The following CCDC61 variants were observed in gnomAD, a reference collection of about 807,000 sequenced individuals.
CCDC61 encodes coiled-coil domain containing 61.
In CCDC61, 55 loss-of-function variants were observed where a neutral mutation model predicts 63.0. The ratio of observed to expected loss-of-function variants is 0.87; its 90% CI spans 0.70 to 1.09. CCDC61 has a LOEUF of 1.09. CCDC61 is among the 50% of genes least tolerant of loss of function. The probability of loss-of-function intolerance (pLI) is 0.00; values close to 1 mark genes in which losing one functional copy is unlikely to be tolerated. For synonymous variants in CCDC61, 270 were observed against 317.0 expected (o/e 0.85, Z 1.58); for missense variants, 651 against 731.4 (o/e 0.89, Z 1.27).
Position 46,016,296 on chromosome 19 carries a change from C to G in CCDC61, c.1016-22C>G, listed in dbSNP as rs574291544. ...AAGGCCCGTCTCCGGACCTAGCCGC[C>G]TCCTCTCCCACGCCGTCCTAGGTGG... On this transcript the variant is annotated intron_variant, in intron 8 of 13. Transcript: ENST00000595358. The surrounding 1 kb of genome is among the most constrained non-coding windows in gnomAD (Gnocchi z 7.2). 2.5e-6 allele frequency: 4 copies of G among 1,612,916 alleles called. No homozygotes were observed. In the South Asian group the frequency reaches 3.3e-5, roughly 13 times the overall value.
intron 4 of CCDC61, among the ~76,000 whole-genome samples, chr19:46,007,844 A>G (rs1600646981): frequency 6.6e-6 from 1 of 152,196 alleles, no homozygotes; most frequent in South Asian, 2.1e-4. Context: ...TGCAAGTAAC[A>G]TGATACCAGC....
At chr19:46,014,448 A>G (rs1968885946) in intron 5 of CCDC61, among the ~76,000 whole-genome samples, 1 of 152,238 alleles carries the variant, frequency 6.6e-6, no homozygotes, top group South Asian at 2.1e-4. Flanking sequence ...GAGATACTCT[A>G]CTTTCCTCTT....
Position 46,016,150 on chromosome 19 carries a change from C to T in CCDC61, c.942C>T (p.Arg314=), listed in dbSNP as rs1968928460. Residue 314 remains arginine, a synonymous_variant, in exon 8 of 14, where the codon CGC becomes CGT. Coordinates refer to ENST00000595358, the MANE Select transcript of CCDC61 (RefSeq NM_001267723.2). The surrounding 1 kb of genome is among the most constrained non-coding windows in gnomAD (Gnocchi z 7.2). The part of the protein sequence containing the change: ...RSASRGRGAA[R]SSSRESGRGS... ...CGTCGCGAGGCCGCGGCGCCGCGCGCTCCTCATCCCGGGAGAGCGGCCGCG... is the reference window on the plus strand; with the variant it reads ...CGTCGCGAGGCCGCGGCGCCGCGCGTTCCTCATCCCGGGAGAGCGGCCGCG... 1.6e-6 allele frequency: 2 copies of T among 1,255,092 alleles called. No individual in the cohort carries two copies. The highest frequency in any genetic ancestry group is 1.6e-5 in the African/African-American group (1 of 64,160). The allele number at this position is 1,255,092 out of a possible 1,614,324, so 77.7% of individuals were successfully genotyped here.
At chr19:46,011,855 T>G (rs1968834613) in intron 5 of CCDC61, among the ~76,000 whole-genome samples, 1 of 152,130 alleles carries the variant, frequency 6.6e-6, no homozygotes, top group Non-Finnish European at 1.5e-5. Context: ...CAGGCTGGAG[T>G]GCAATGGCGT....
At chr19:45,997,661 G>A (rs1173574402) in intron 1 of CCDC61, among the ~76,000 whole-genome samples, 2 of 149,298 alleles carry the variant, frequency 1.3e-5, no homozygotes, top group Admixed American at 1.3e-4. Context: ...AAAGTGCTGA[G>A]ATTACAGGCG....
rs1237912284 is a variant in CCDC61, at chr19:46,015,294, G to A, written c.762+35G>A. 6.4e-7 allele frequency: 1 copy of A among 1,562,110 alleles called. No homozygotes were observed. The highest frequency in any genetic ancestry group is 8.6e-7 in the Non-Finnish European group (1 of 1,163,278). ...GGGGGCCCGGGGCGGCCAGCGAGGC[G>A]CGGACCTCGGCCTCAGCCTGGACCT... is the stretch of plus-strand genomic sequence containing the variant. On this transcript the variant is annotated intron_variant, in intron 6 of 13. Coordinates refer to ENST00000595358, the MANE Select transcript of CCDC61 (RefSeq NM_001267723.2). This position sits in a 1 kb window ranked among gnomAD's most constrained non-coding sequence, Gnocchi z 5.3.
intron 5 of CCDC61, among the ~76,000 whole-genome samples, chr19:46,011,740 T>C (rs563907560): frequency 1.3e-5 from 2 of 152,258 alleles, no homozygotes; most frequent in South Asian, 4.1e-4. Flanking sequence ...ACTCTGGATA[T>C]GCACTCAAAT....
chr19:46,016,332 C>T lies in CCDC61; in HGVS notation c.1030C>T (p.Arg344Cys), dbSNP rs746274173. 6.2e-7 allele frequency: 1 copy of T among 1,613,902 alleles called. No homozygotes were observed. The highest frequency in any genetic ancestry group is 1.3e-5 in the African/African-American group (1 of 75,056). Residue 344 changes from arginine (R) to cysteine (C), a missense_variant, in exon 9 of 14, where the codon CGC (arginine) becomes TGC (cysteine). Physicochemically the swap from Arg to Cys is radical, Grantham distance 180. Transcript: ENST00000595358. The surrounding 1 kb of genome is among the most constrained non-coding windows in gnomAD (Gnocchi z 7.2). ...CGCCGTCCTAGGTGGTCGCGCGCTC[C>T]GCTTCGACCCCACGGCCTTTGTGAA... ...SPSPTGGRAL[R>C]FDPTAFVKAK...
At chr19:45,996,087 C>T (rs1271123690) in intron 1 of CCDC61, among the ~76,000 whole-genome samples, 2 of 152,176 alleles carry the variant, frequency 1.3e-5, no homozygotes, top group African/African-American at 2.4e-5. Flanking sequence ...GAATTTGAAT[C>T]CTGGCTCTGC....
Position 46,015,379 on chromosome 19 carries a change from G to C in CCDC61, c.797G>C (p.Arg266Pro), listed in dbSNP as rs1317007320. 6.2e-7 allele frequency: 1 copy of C among 1,603,294 alleles called. No individual in the cohort carries two copies. Among genetic ancestry groups the C allele is most frequent in the Admixed American group, 1.7e-5 (1 of 59,944 alleles). ...GCGAAGGCATCGGAGCGGAGCCTGC[G>C]CGCCCGGCTGAAGACGCTGACCAGC... Reference protein sequence around the residue: ...EEAKASERSLRARLKTLTSEL... With the variant: ...EEAKASERSLPARLKTLTSEL... Residue 266 changes from arginine (R) to proline (P), a missense_variant, in exon 7 of 14, where the codon CGC becomes CCC. Coordinates refer to ENST00000595358, the MANE Select transcript of CCDC61 (RefSeq NM_001267723.2). The surrounding 1 kb of genome is among the most constrained non-coding windows in gnomAD (Gnocchi z 5.3).
intron 3 of CCDC61, among the ~76,000 whole-genome samples, chr19:46,005,566 C>T (rs572032022): frequency 6.6e-6 from 1 of 152,066 alleles, no homozygotes; most frequent in Non-Finnish European, 1.5e-5. Flanking sequence ...AATATCCTCA[C>T]CGATTTCCCC....
At chr19:45,996,054 G>A (rs983255958) in intron 1 of CCDC61, among the ~76,000 whole-genome samples, 6 of 152,200 alleles carry the variant, frequency 3.9e-5, no homozygotes, top group Non-Finnish European at 8.8e-5. Flanking sequence ...AAGAATGTGG[G>A]CTCTGGCGTC....
chr19:46,018,472 T>G lies in CCDC61; in HGVS notation c.*85T>G. The stretch of plus-strand genomic sequence containing the variant: ...GTGGGGCCAGGGTGGCCTCCAGCCC[T>G]GCCCAGTCCCTGCCCTGGCCCCGTC... On this transcript the variant is annotated 3_prime_UTR_variant, in exon 14 of 14. Coordinates refer to ENST00000595358, the MANE Select transcript of CCDC61 (RefSeq NM_001267723.2). This position sits in a 1 kb window ranked among gnomAD's most constrained non-coding sequence, Gnocchi z 4.2. 6 of 1,109,646 alleles carry G rather than the reference T, an allele frequency of 5.4e-6. No homozygotes were observed. The highest frequency in any genetic ancestry group is 7.9e-6 in the Non-Finnish European group (6 of 760,444). The allele number at this position is 1,109,646 out of a possible 1,614,324, so 68.7% of individuals were successfully genotyped here.
chr19:46,011,694 A>C (rs1968831480), intron 5 of CCDC61, among the ~76,000 whole-genome samples: 1 of 152,064 alleles, frequency 6.6e-6, no homozygotes, highest in African/African-American at 2.4e-5. Flanking sequence ...CTCTTTTATA[A>C]AGTTCTCTTC....
intron 3 of CCDC61, among the ~76,000 whole-genome samples, chr19:46,004,451 T>G (rs1436146101): frequency 6.6e-6 from 1 of 151,960 alleles, no homozygotes. Flanking sequence ...ATACATAATG[T>G]CAGGTATTTA....
rs1177827846 is a variant in CCDC61 at position 46,018,169 on chromosome 19, A to G, written c.1441+19A>G. On this transcript the variant is annotated intron_variant, in intron 13 of 13. Coordinates refer to ENST00000595358, the MANE Select transcript of CCDC61 (RefSeq NM_001267723.2). The surrounding 1 kb of genome is among the most constrained non-coding windows in gnomAD (Gnocchi z 4.2). Reference sequence around the variant, plus strand: ...ATCAAAGGTGAGCCTGGGACTCCACATCCCCTCTCCCAGCCCCAGGACCCG... The same window carrying G: ...ATCAAAGGTGAGCCTGGGACTCCACGTCCCCTCTCCCAGCCCCAGGACCCG... 6.3e-7 allele frequency: 1 copy of G among 1,593,816 alleles called. No homozygotes were observed. Among genetic ancestry groups the G allele is most frequent in the Admixed American group, 1.7e-5 (1 of 57,558 alleles).
At chr19:46,017,877 G>A (rs973990695) in intron 12 of CCDC61, among the ~76,000 whole-genome samples, 3 of 152,118 alleles carry the variant, frequency 2.0e-5, no homozygotes, top group Admixed American at 2.0e-4. Context: ...GTTAACCAGG[G>A]TTGGTAATGG....
In CCDC61 at chr19:46,015,637, G is replaced by A. The variant is rs1230864399; in HGVS notation, c.845+210G>A. ...AGGTGGACCCGGGCTGTGCGGAGAT[G>A]CGCAGGCTTGGGGCGGCGTTCAGGA... On this transcript the variant is annotated intron_variant, in intron 7 of 13. Coordinates refer to ENST00000595358, the MANE Select transcript of CCDC61 (RefSeq NM_001267723.2). This position sits in a 1 kb window ranked among gnomAD's most constrained non-coding sequence, Gnocchi z 5.3. Among the ~76,000 whole-genome samples, 1 of 152,176 alleles carries A rather than the reference G, an allele frequency of 6.6e-6. No homozygotes were observed. Among genetic ancestry groups the A allele is most frequent in the Non-Finnish European group, 1.5e-5 (1 of 68,028 alleles).
intron 5 of CCDC61, among the ~76,000 whole-genome samples, chr19:46,011,056 C>G (rs1968818797): frequency 6.6e-6 from 1 of 150,836 alleles, no homozygotes; most frequent in African/African-American, 2.4e-5. Flanking sequence ...TCTTTTCTTT[C>G]TTTCTTTTTT....
Sources: gnomAD v4.1 joint callset for allele counts (sites outside exome capture counted in the v4.1 genomes callset) on GRCh38, gnomAD v4.1.1 for gene constraint, Gnocchi (gnomAD v3.1) non-coding constraint, MANE v1.5 for transcripts, NCBI Gene and HGNC (gene_info 2026-07-23, HGNC 2026-07-21) for gene names.